Variants in RAD51B observed in about 807,000 individuals in gnomAD.
RAD51B encodes the protein RAD51 paralog B.
RAD51B carries 38 observed loss-of-function variants against 42.2 expected under a neutral mutation model. The observed-to-expected ratio is 0.90, with a 90% CI of 0.70 to 1.18. RAD51B has a LOEUF of 1.18. Ranked by LOEUF, RAD51B falls within the 50% of genes most tolerant of loss-of-function variation. The probability of loss-of-function intolerance (pLI) is 0.00; values close to 1 mark genes in which losing one functional copy is unlikely to be tolerated. For synonymous variants in RAD51B, 154 were observed against 145.2 expected, an observed-to-expected ratio of 1.06 and a Z score of -0.43; for missense variants, 373 against 400.7, an observed-to-expected ratio of 0.93 and a Z score of 0.59.
intron 8 of RAD51B, among the ~76,000 whole-genome samples, chr14:68,311,414 C>T (rs114719164): frequency 0.015 from 2,319 of 152,328 alleles, 61 homozygotes; most frequent in African/African-American, 0.054. Flanking sequence ...AATTCTTGCT[C>T]TTCTGAAGAG....
intron 7 of RAD51B, among the ~76,000 whole-genome samples, chr14:68,099,869 A>C (rs1472402017): frequency 1.3e-5 from 2 of 152,194 alleles, no homozygotes; most frequent in Non-Finnish European, 2.9e-5. Context: ...TGGTTTCTGC[A>C]TTTAGAACTG....
At chr14:68,018,820 G>T (rs186163422) in intron 7 of RAD51B, among the ~76,000 whole-genome samples, 11 of 152,268 alleles carry the variant, frequency 7.2e-5, no homozygotes, top group African/African-American at 2.6e-4. Context: ...GTGCCATGGG[G>T]TATAATGAAT....
chr14:68,648,004 C>CATATAT (rs374934304), intron 10 of RAD51B, among the ~76,000 whole-genome samples: 9,104 of 108,608 alleles, frequency 0.084, 670 homozygotes, highest in African/African-American at 0.16. Context: ...AAAAATTGAG[C>CATATAT]ATATATATAT....
At chr14:68,292,660 C>T (rs991852368) in intron 8 of RAD51B, among the ~76,000 whole-genome samples, 1 of 152,200 alleles carries the variant, frequency 6.6e-6, no homozygotes, top group Non-Finnish European at 1.5e-5. Flanking sequence ...ATGCATAGCT[C>T]TTCCAGGCCC....
chr14:68,501,954 G>A (rs1400363827), intron 10 of RAD51B, among the ~76,000 whole-genome samples: 1 of 152,216 alleles, frequency 6.6e-6, no homozygotes, highest in Non-Finnish European at 1.5e-5. Flanking sequence ...AGACTTGCAG[G>A]CTCACACAGT....
At chr14:68,282,348 A>G (rs1032161231) in intron 7 of RAD51B, among the ~76,000 whole-genome samples, 13 of 152,072 alleles carry the variant, frequency 8.5e-5, no homozygotes, top group Non-Finnish European at 1.8e-4. Flanking sequence ...TAACCATGAT[A>G]GAAGATCTCC....
chr14:67,869,306 C>T (rs201895437), intron 5 of RAD51B, among the ~76,000 whole-genome samples: 12 of 151,776 alleles, frequency 7.9e-5, no homozygotes, highest in Admixed American at 1.3e-4. Flanking sequence ...CCTCAGGAGC[C>T]GATGCAATCA....
At chr14:68,663,978 T>C (rs1257193259) in intron 11 of RAD51B, among the ~76,000 whole-genome samples, 7 of 152,334 alleles carry the variant, frequency 4.6e-5, no homozygotes, top group Non-Finnish European at 5.9e-5. Context: ...CTGATTATTA[T>C]TAAGACAGAC....
intron 7 of RAD51B, among the ~76,000 whole-genome samples, chr14:68,262,111 G>T (rs1041004384): frequency 1.3e-5 from 2 of 152,186 alleles, no homozygotes; most frequent in African/African-American, 4.8e-5. Flanking sequence ...AGTTTACTGT[G>T]CATTGTTCCA....
chr14:68,198,663 T>A (rs930575984), intron 7 of RAD51B, among the ~76,000 whole-genome samples: 10 of 152,214 alleles, frequency 6.6e-5, no homozygotes, highest in Non-Finnish European at 1.3e-4. Flanking sequence ...GTATTTTGAA[T>A]GACTATGAAT....
intron 7 of RAD51B, among the ~76,000 whole-genome samples, chr14:68,087,772 T>C (rs1286071429): frequency 6.8e-6 from 1 of 147,736 alleles, no homozygotes; most frequent in Non-Finnish European, 1.5e-5. Flanking sequence ...TAAGAACTGA[T>C]AGTATTTTTA....
At chr14:68,617,754 C>T (rs1252333009) in intron 10 of RAD51B, among the ~76,000 whole-genome samples, 1 of 152,206 alleles carries the variant, frequency 6.6e-6, no homozygotes, top group Non-Finnish European at 1.5e-5. Context: ...TAGTTCTGCA[C>T]TGTGTGTTGT....
intron 7 of RAD51B, among the ~76,000 whole-genome samples, chr14:68,069,915 G>C (rs1374174745): frequency 1.3e-5 from 2 of 152,116 alleles, no homozygotes; most frequent in Non-Finnish European, 2.9e-5. Flanking sequence ...CAGTGTACAA[G>C]CATTCCCTTT....
intron 8 of RAD51B, among the ~76,000 whole-genome samples, chr14:68,356,405 A>G (rs1209746052): frequency 1.4e-5 from 2 of 143,192 alleles, no homozygotes; most frequent in East Asian, 4.2e-4. Context: ...ACTGCACCCC[A>G]ACCTGGGCGA....
intron 7 of RAD51B, among the ~76,000 whole-genome samples, chr14:68,017,440 C>G (rs925838832): frequency 6.6e-6 from 1 of 152,038 alleles, no homozygotes; most frequent in Non-Finnish European, 1.5e-5. Flanking sequence ...AGGCAGCCTG[C>G]CCACCTTGGC....
intron 7 of RAD51B, among the ~76,000 whole-genome samples, chr14:68,242,955 C>G (rs1334797513): frequency 6.6e-6 from 1 of 152,152 alleles, no homozygotes; most frequent in African/African-American, 2.4e-5. Context: ...ATGCTAGAGG[C>G]TGTCTGCTGA....
intron 11 of RAD51B, among the ~76,000 whole-genome samples, chr14:68,651,850 A>G (rs1219146993): frequency 6.6e-6 from 1 of 152,174 alleles, no homozygotes; most frequent in East Asian, 1.9e-4. Flanking sequence ...CCCACTCCAG[A>G]GCTTCTGCCT....
At chr14:68,258,582 C>T (rs929247229) in intron 7 of RAD51B, among the ~76,000 whole-genome samples, 1 of 152,068 alleles carries the variant, frequency 6.6e-6, no homozygotes, top group South Asian at 2.1e-4. Flanking sequence ...CTTAAAAAAA[C>T]TTAAAGATGC....
chr14:68,364,999 G>A (rs2139927613), intron 8 of RAD51B, among the ~76,000 whole-genome samples: 1 of 152,284 alleles, frequency 6.6e-6, no homozygotes, highest in Non-Finnish European at 1.5e-5. Flanking sequence ...GCTTCTGACT[G>A]CCCTTAGCTT....
Sources: gnomAD v4.1 joint callset for allele counts (sites outside exome capture counted in the v4.1 genomes callset) on GRCh38, gnomAD v4.1.1 for gene constraint, MANE v1.5 for transcripts, NCBI Gene and HGNC (gene_info 2026-07-23, HGNC 2026-07-21) for gene names.